The following CWC27 variants were observed in gnomAD, a reference collection of about 807,000 sequenced individuals.
CWC27 encodes CWC27 spliceosome associated cyclophilin.
CWC27 carries 47 observed loss-of-function variants against 63.6 expected under a neutral mutation model. The ratio of observed to expected loss-of-function variants is 0.74; its 90% confidence interval spans 0.58 to 0.94. The LOEUF (loss-of-function observed/expected upper bound fraction) is 0.94. Ranked by LOEUF, CWC27 falls within the 40% of genes least tolerant of loss-of-function variation. The pLI is 0.00. For missense variants in CWC27, 495 were observed against 554.3 expected, an observed-to-expected ratio of 0.89 and a Z score of 1.07; for synonymous variants, 175 against 179.8, an observed-to-expected ratio of 0.97 and a Z score of 0.22.
chr5:64,866,343 A>T (rs1746530452), intron 10 of CWC27, among the ~76,000 whole-genome samples: 1 of 152,066 alleles, frequency 6.6e-6, no homozygotes, highest in African/African-American at 2.4e-5. Context: ...TTCTTTTCTA[A>T]ATATGGCATA....
chr5:64,885,694 T>TGTGTGTGTGTG, intron 11 of CWC27, 148 bp downstream of exon 11: 1 of 606,540 alleles, frequency 1.6e-6, no homozygotes. Flanking sequence ...CCCTCTTGAG[T>TGTGTGTGTGTG]TAGGGTGTGT....
intron 11 of CWC27, among the ~76,000 whole-genome samples, chr5:64,891,218 G>A (rs535513904): frequency 6.6e-6 from 1 of 152,148 alleles, no homozygotes; most frequent in East Asian, 1.9e-4. Flanking sequence ...AACCTAATTA[G>A]TTAAAAAAAT....
intron 11 of CWC27, among the ~76,000 whole-genome samples, chr5:64,967,294 G>A (rs1749034781): frequency 6.6e-6 from 1 of 151,862 alleles, no homozygotes; most frequent in Non-Finnish European, 1.5e-5. Context: ...ACCTCAACAT[G>A]GCAGGTTAAG....
chr5:64,937,971 A>G (rs1004560445), intron 11 of CWC27, among the ~76,000 whole-genome samples: 6 of 111,956 alleles, frequency 5.4e-5, no homozygotes, highest in Non-Finnish European at 8.8e-5. Flanking sequence ...ATATTCCTCC[A>G]TCCCTTTATT....
chr5:64,818,976 C>A (rs1023587741), intron 10 of CWC27, among the ~76,000 whole-genome samples: 1 of 152,076 alleles, frequency 6.6e-6, no homozygotes, highest in Non-Finnish European at 1.5e-5. Flanking sequence ...GATATTTGCT[C>A]CTAGGTTTTA....
intron 10 of CWC27, among the ~76,000 whole-genome samples, chr5:64,844,494 T>C (rs898969714): frequency 4.6e-5 from 7 of 152,190 alleles, no homozygotes; most frequent in African/African-American, 1.7e-4. Flanking sequence ...GTGACCTGCA[T>C]ATGCAGGGGG....
intron 13 of CWC27, among the ~76,000 whole-genome samples, chr5:64,986,789 A>G (rs77921173): frequency 6.6e-6 from 1 of 151,896 alleles, no homozygotes; most frequent in African/African-American, 2.4e-5. Flanking sequence ...CTACCAGTTT[A>G]TGGCTCCAGT....
intron 10 of CWC27, among the ~76,000 whole-genome samples, chr5:64,839,344 A>G (rs1031413686): frequency 2.6e-5 from 4 of 152,208 alleles, no homozygotes; most frequent in Non-Finnish European, 5.9e-5. Context: ...AGGCTATAGT[A>G]TACAGAAGTA....
intron 1 of CWC27, among the ~76,000 whole-genome samples, chr5:64,770,285 A>G (rs1407377273): frequency 6.6e-6 from 1 of 152,214 alleles, no homozygotes; most frequent in Non-Finnish European, 1.5e-5. Context: ...GTAGATTAGT[A>G]TGTCCATCCC....
chr5:64,816,945 A>G (rs891216836), intron 10 of CWC27, among the ~76,000 whole-genome samples: 1 of 152,146 alleles, frequency 6.6e-6, no homozygotes, highest in Admixed American at 6.6e-5. Context: ...TATTTCATTA[A>G]GAAACAGAAG....
chr5:64,971,562 T>C (rs1237508201), intron 11 of CWC27, 141 bp from the exon 12 acceptor site: 5 of 555,570 alleles, frequency 9.0e-6, no homozygotes, highest in Non-Finnish European at 1.6e-5. Context: ...TGGTGGGGCT[T>C]ACAGGTTTTC....
At chr5:64,927,127 C>A (rs1466266428) in intron 11 of CWC27, among the ~76,000 whole-genome samples, 1 of 152,018 alleles carries the variant, frequency 6.6e-6, no homozygotes, top group Non-Finnish European at 1.5e-5. Context: ...TATGGGAAAG[C>A]TGAAAAATTT....
At chr5:64,833,349 G>A (rs1745578915) in intron 10 of CWC27, among the ~76,000 whole-genome samples, 1 of 151,710 alleles carries the variant, frequency 6.6e-6, no homozygotes, top group Admixed American at 6.6e-5. Flanking sequence ...ACTATTTTAG[G>A]TTGTAAAGCA....
chr5:64,981,818 A>G (rs559477486), intron 13 of CWC27, among the ~76,000 whole-genome samples: 110 of 152,368 alleles, frequency 7.2e-4, no homozygotes, highest in Non-Finnish European at 1.3e-3. Context: ...AAACTATACA[A>G]GTTTCAACTT....
At chr5:64,952,156 A>G (rs1748721987) in intron 11 of CWC27, among the ~76,000 whole-genome samples, 1 of 152,004 alleles carries the variant, frequency 6.6e-6, no homozygotes, top group South Asian at 2.1e-4. Flanking sequence ...TTACTTTATA[A>G]TACCTAATGT....
At chr5:65,004,289 T>C (rs549326821) in intron 13 of CWC27, among the ~76,000 whole-genome samples, 5 of 152,266 alleles carry the variant, frequency 3.3e-5, no homozygotes, top group African/African-American at 1.2e-4. Flanking sequence ...TTAAATATGT[T>C]TTCTATGCTT....
rs979086566 is a variant in CWC27, at chr5:65,018,323, A to G, written c.*2A>G. 2.5e-6 allele frequency: 4 copies of G among 1,583,450 alleles called. No homozygotes were observed. Among genetic ancestry groups the G allele is most frequent in the Non-Finnish European group, 3.4e-6 (4 of 1,169,834 alleles). On this transcript the variant is annotated 3_prime_UTR_variant, in exon 14 of 14. Coordinates refer to ENST00000381070, the MANE Select transcript of CWC27 (RefSeq NM_005869.4). Reference sequence around the variant, plus strand: ...AGAGAGAAAAAAGAAAGAAGATAAAATGAGAATAATGATAACCAGAACTTG... The same window carrying G: ...AGAGAGAAAAAAGAAAGAAGATAAAGTGAGAATAATGATAACCAGAACTTG...
intron 11 of CWC27, among the ~76,000 whole-genome samples, chr5:64,935,976 T>C (rs145649201): frequency 0.014 from 2,116 of 152,330 alleles, 59 homozygotes; most frequent in African/African-American, 0.048. Context: ...CTGAAGTTGC[T>C]TATCAGCTTA....
intron 11 of CWC27, among the ~76,000 whole-genome samples, chr5:64,949,418 G>A (rs2112423478): frequency 6.6e-6 from 1 of 151,994 alleles, no homozygotes; most frequent in East Asian, 1.9e-4. Flanking sequence ...GACCATTTTA[G>A]TCACAGTTTT....
Sources: gnomAD v4.1 joint callset for allele counts (sites outside exome capture counted in the v4.1 genomes callset) on GRCh38, gnomAD v4.1.1 for gene constraint, MANE v1.5 for transcripts, NCBI Gene and HGNC (gene_info 2026-07-23, HGNC 2026-07-21) for gene names.